The following RDM1 variants were observed in gnomAD, a reference collection of about 807,000 sequenced individuals.
The protein encoded by RDM1 is RAD52 motif containing 1, also known as RAD52 motif-containing protein 1.
In RDM1, 28 loss-of-function variants were observed where a neutral mutation model predicts 27.7. That is an observed-to-expected ratio of 1.01 (90% confidence interval 0.75 to 1.39). The LOEUF is 1.39. RDM1 is among the 40% of genes most tolerant of loss of function. The pLI is 0.00. For missense variants in RDM1, 277 were observed against 337.3 expected (o/e 0.82, Z 1.40); for synonymous variants, 124 against 127.5 (o/e 0.97, Z 0.19).
intron 6 of RDM1, among the ~76,000 whole-genome samples, 178 bp from the exon 7 acceptor site, chr17:35,918,621 G>A (rs576142471): frequency 1.5e-3 from 233 of 152,262 alleles, no homozygotes; most frequent in African/African-American, 5.1e-3. Context: ...TCTGTAGGAG[G>A]GGTTTTGGGA....
At chr17:35,921,738 GCTTAT>G (rs2088950643) in intron 5 of RDM1, among the ~76,000 whole-genome samples, 2 of 152,054 alleles carry the variant, frequency 1.3e-5, no homozygotes, top group African/African-American at 4.8e-5. Flanking sequence ...TAATATGTCT[GCTTAT>G]CTTGTAAGTG....
At position 35,925,508 on chromosome 17, in the gene RDM1, G is replaced by A; in HGVS notation, c.399+7C>T. Reference sequence around the variant, plus strand: ...GTGGTAAGTGAAAAAAAATCTACAAGGTTTACCTTGATGATCCTTTTGGAA... The same window carrying A: ...GTGGTAAGTGAAAAAAAATCTACAAAGTTTACCTTGATGATCCTTTTGGAA... On this transcript the variant is annotated splice_region_variant and intron_variant, in intron 3 of 6. Coordinates refer to ENST00000620284, the MANE Select transcript of RDM1 (RefSeq NM_145654.4). 6.2e-7 allele frequency: 1 copy of A among 1,612,344 alleles called. No individual in the cohort carries two copies.
intron 4 of RDM1, 76 bp from the exon 5 acceptor site, chr17:35,922,751 G>A: frequency 8.2e-7 from 1 of 1,220,668 alleles, no homozygotes; most frequent in Non-Finnish European, 1.1e-6. Context: ...AAATAAAAAA[G>A]CATCCACGAT....
chr17:35,925,662 T>C (rs753576955), intron 2 of RDM1, 25 bp from the exon 3 acceptor site: 5 of 1,592,058 alleles, frequency 3.1e-6, no homozygotes, highest in South Asian at 1.1e-5. Flanking sequence ...GATAGACCCA[T>C]AAATATCACA....
At chr17:35,923,611 C>T (rs781085793) in intron 4 of RDM1, among the ~76,000 whole-genome samples, 30 of 151,466 alleles carry the variant, frequency 2.0e-4, no homozygotes, top group Admixed American at 8.5e-4. Flanking sequence ...TGCTGTGAGC[C>T]GAGATCACGC....
intron 5 of RDM1, among the ~76,000 whole-genome samples, chr17:35,921,326 C>A (rs1311598291): frequency 6.6e-6 from 1 of 152,218 alleles, no homozygotes; most frequent in African/African-American, 2.4e-5. Context: ...GGTTGGAAAG[C>A]TGAGAGCAGT....
At chr17:35,927,115 CAAAAAAAAAAAA>C (rs955692533) in intron 2 of RDM1, among the ~76,000 whole-genome samples, 2 of 75,474 alleles carry the variant, frequency 2.6e-5, no homozygotes, top group Non-Finnish European at 5.3e-5. Flanking sequence ...TTCATTTCAC[CAAAAAAAAAAAA>C]AAAAAAAAAA....
At position 35,930,641 on chromosome 17, in the gene RDM1, C is replaced by A. The variant is rs771251798; in HGVS notation, c.87G>T (p.Glu29Asp). 18 of 1,613,236 alleles carry A rather than the reference C, an allele frequency of 1.1e-5. No individual in the cohort carries two copies. Among genetic ancestry groups the A allele is most frequent in the Non-Finnish European group, 1.4e-5 (17 of 1,179,920 alleles). ...CCTGGCCCCGGCTCACATGCAAAGC[C>A]TCGGCCGTGGGTCCGGAGCTCAGCT... The part of the protein sequence containing the change: ...VWELSSGPTA[E>D]ALHHSLFTAF... The change falls in exon 1 of 7, where the codon GAG (glutamate) becomes GAT (aspartate). Residue 29 changes from glutamate to aspartate, a missense_variant. By Grantham distance (45) the Glu-to-Asp change is conservative. Transcript: ENST00000620284.
chr17:35,927,010 C>G lies in RDM1; in HGVS notation c.277-1373G>C, dbSNP rs141470733. 2.9e-3 allele frequency among the ~76,000 whole-genome samples: 435 copies of G among 150,852 alleles called. 1 individual carries two copies. The highest frequency in any genetic ancestry group is 9.8e-3 in the African/African-American group (404 of 41,040). On this transcript the variant is annotated intron_variant, in intron 2 of 6. Transcript: ENST00000620284. ...GCCTGTATCGTGAGTCACAGTGGAG[C>G]CTTTCCAGACAACCAGGAAGCTTCA...
intron 2 of RDM1, among the ~76,000 whole-genome samples, chr17:35,926,016 C>G (rs1035304297): frequency 1.1e-4 from 16 of 152,052 alleles, no homozygotes; most frequent in African/African-American, 3.1e-4. Context: ...TGCCTGCAGT[C>G]CCAGCTACTC....
rs768167304 is a variant in RDM1 at position 35,924,814 on chromosome 17, T to C, written c.400-42A>G. On this transcript the variant is annotated intron_variant, in intron 3 of 6. Transcript: ENST00000620284. ...TGTAAGGTCCTTCCTGGGGTCTTAA[T>C]GTAGGCTTCAAAATGTTTTGTTATT... 13 of 1,582,384 alleles carry C rather than the reference T, an allele frequency of 8.2e-6. 1 individual carries two copies. The highest frequency in any genetic ancestry group is 2.3e-5 in the East Asian group (1 of 44,336).
intron 2 of RDM1, among the ~76,000 whole-genome samples, chr17:35,927,306 G>T (rs113009889): frequency 6.6e-6 from 1 of 151,980 alleles, no homozygotes; most frequent in African/African-American, 2.4e-5. Flanking sequence ...TGGGCGTGGT[G>T]GTGCACGCCT....
chr17:35,929,996 G>C (rs2089270103), intron 2 of RDM1, 80 bp downstream of exon 2: 1 of 1,259,110 alleles, frequency 7.9e-7, no homozygotes, highest in Non-Finnish European at 1.1e-6. Flanking sequence ...CTGTAAACCA[G>C]CGTGCTGGAC....
rs75109155 is a variant in RDM1, at chr17:35,930,061, C to T, written c.276+15G>A. On this transcript the variant is annotated intron_variant, in intron 2 of 6. Transcript: ENST00000620284. ...TTCATTTCAGCGGAGCTAGGAATTC[C>T]ATATTTGGACCCACCTTGACTGGAG... The T allele has an allele frequency of 0.043, 68,842 of 1,604,374 alleles. 1,661 individuals are homozygous for T. Among genetic ancestry groups the T allele is most frequent in the Middle Eastern group, 0.049 (263 of 5,356 alleles).
In RDM1 at chr17:35,918,467, G is replaced by GT. The variant is rs751344953; in HGVS notation, c.754-25dup. The stretch of plus-strand genomic sequence containing the variant: ...ACCTGCAAAATGTGCGCTAGTTAGG[G>GT]TGGCAGGCAGAACGCACATTACGGT... On this transcript the variant is annotated intron_variant, in intron 6 of 6. Transcript: ENST00000620284. 20 of 1,583,882 alleles carry GT rather than the reference G, an allele frequency of 1.3e-5. No homozygotes were observed. In the African/African-American group the frequency reaches 2.7e-4, roughly 21 times the overall value.
Position 35,918,399 on chromosome 17 carries a change from C to T in RDM1, c.798G>A (p.Gly266=), listed in dbSNP as rs1360086374. The T allele has an allele frequency of 6.2e-7, 1 of 1,614,032 alleles. No individual in the cohort carries two copies. Among genetic ancestry groups the T allele is most frequent in the Non-Finnish European group, 8.5e-7 (1 of 1,180,034 alleles). Residue 266 remains glycine, a synonymous_variant, in exon 7 of 7, where the codon GGG becomes GGA. Transcript: ENST00000620284. ...PWKQYGQEEE[G]YLSDFSLEEE... ...CCTCCAAGCTGAAATCCGAGAGATACCCTTCCTCCTCTTGGCCATACTGCT... is the reference window on the plus strand; with the variant it reads ...CCTCCAAGCTGAAATCCGAGAGATATCCTTCCTCCTCTTGGCCATACTGCT...
At chr17:35,925,097 G>T (rs1415380805) in intron 3 of RDM1, among the ~76,000 whole-genome samples, 1 of 151,982 alleles carries the variant, frequency 6.6e-6, no homozygotes, top group African/African-American at 2.4e-5. Flanking sequence ...TAGCGCCACT[G>T]CACTCCAGCC....
intron 5 of RDM1, chr17:35,922,308 C>G (rs1007444263): frequency 4.5e-6 from 2 of 449,328 alleles, no homozygotes; most frequent in Non-Finnish European, 7.8e-6. Flanking sequence ...GATAGGTAAG[C>G]AATTAAAGAA....
chr17:35,923,533 G>A (rs2089026590), intron 4 of RDM1, among the ~76,000 whole-genome samples: 1 of 150,982 alleles, frequency 6.6e-6, no homozygotes. Flanking sequence ...TGTGGTGGTA[G>A]GCACCTGTAA....
Sources: gnomAD v4.1 joint callset for allele counts (sites outside exome capture counted in the v4.1 genomes callset) on GRCh38, gnomAD v4.1.1 for gene constraint, MANE v1.5 for transcripts, NCBI Gene and HGNC (gene_info 2026-07-23, HGNC 2026-07-21) for gene names.